The following RAPGEF4 variants were observed in gnomAD, a reference collection of about 807,000 sequenced individuals.
RAPGEF4 encodes Rap guanine nucleotide exchange factor 4, also known as RAP guanine-nucleotide-exchange factor (GEF) 4.
Under a neutral mutation model 147.9 loss-of-function variants are expected in RAPGEF4, and 66 were observed. The ratio of observed to expected loss-of-function variants is 0.45; its 90% CI spans 0.37 to 0.55. The LOEUF is 0.55. RAPGEF4 is among the 20% of genes least tolerant of loss of function. RAPGEF4 has a pLI of 0.00. For synonymous variants in RAPGEF4, 419 were observed against 442.7 expected, an observed-to-expected ratio of 0.95 and a Z score of 0.67; for missense variants, 1,071 against 1,257.3, an observed-to-expected ratio of 0.85 and a Z score of 2.24.
intron 15 of RAPGEF4, among the ~76,000 whole-genome samples, chr2:172,993,147 C>T (rs979936479): frequency 6.6e-6 from 1 of 152,076 alleles, no homozygotes; most frequent in African/African-American, 2.4e-5. Context: ...ACATTTTTAA[C>T]TTTCAAAACC....
At chr2:172,983,622 A>G in intron 11 of RAPGEF4, 42 bp downstream of exon 11, 1 of 1,608,012 alleles carries the variant, frequency 6.2e-7, no homozygotes, top group South Asian at 1.1e-5. Context: ...GCACTTTGCA[A>G]TAAATGCACT....
intron 4 of RAPGEF4, among the ~76,000 whole-genome samples, chr2:172,830,581 CG>C (rs1559064035): frequency 6.7e-6 from 1 of 150,248 alleles, no homozygotes; most frequent in Non-Finnish European, 1.5e-5. Context: ...CAACCCATCA[CG>C]CAAAACAAGA....
At chr2:172,977,290 T>C (rs537699523) in intron 10 of RAPGEF4, among the ~76,000 whole-genome samples, 9 of 152,214 alleles carry the variant, frequency 5.9e-5, no homozygotes, top group African/African-American at 1.2e-4. Flanking sequence ...CCATTTTTTT[T>C]CCCCTGTCAC....
intron 6 of RAPGEF4, among the ~76,000 whole-genome samples, chr2:172,957,924 C>T (rs578028967): frequency 3.9e-5 from 6 of 152,270 alleles, no homozygotes; most frequent in African/African-American, 1.2e-4. Flanking sequence ...TCCAAGGAAC[C>T]AGAAAGGGAG....
chr2:173,005,320 T>TGC (rs1694321670), intron 17 of RAPGEF4, among the ~76,000 whole-genome samples: 1 of 152,108 alleles, frequency 6.6e-6, no homozygotes, highest in African/African-American at 2.4e-5. Context: ...AACTCTGCCA[T>TGC]ATTCTTGTTT....
Position 172,985,506 on chromosome 2 carries a change from C to G in RAPGEF4, c.1150+13C>G. On this transcript the variant is annotated intron_variant, in intron 12 of 30. Coordinates refer to ENST00000397081, the MANE Select transcript of RAPGEF4 (RefSeq NM_007023.4). ...GGAGGGACTGTGTGTAAGTGAAAAGCTGTACTGGAACCTTGCGCCTGGCCA... is the reference window on the plus strand; with the variant it reads ...GGAGGGACTGTGTGTAAGTGAAAAGGTGTACTGGAACCTTGCGCCTGGCCA... 6.2e-7 allele frequency: 1 copy of G among 1,612,934 alleles called. No individual in the cohort carries two copies. Among genetic ancestry groups the G allele is most frequent in the African/African-American group, 1.3e-5 (1 of 74,942 alleles).
chr2:172,814,506 C>G (rs775532000), intron 4 of RAPGEF4, 81 bp downstream of exon 4: 15 of 1,497,092 alleles, frequency 1.0e-5, no homozygotes, highest in Middle Eastern at 3.4e-4. Flanking sequence ...GCATTACAGT[C>G]AAGCCTTAAT....
At chr2:172,949,464 G>A (rs1001335831) in intron 6 of RAPGEF4, among the ~76,000 whole-genome samples, 1 of 152,124 alleles carries the variant, frequency 6.6e-6, no homozygotes, top group African/African-American at 2.4e-5. Context: ...TCAAAATCAA[G>A]AAAATCAGGA....
chr2:173,049,355 G>A (rs1396986609), intron 30 of RAPGEF4, among the ~76,000 whole-genome samples: 1 of 152,192 alleles, frequency 6.6e-6, no homozygotes, highest in African/African-American at 2.4e-5. Flanking sequence ...CTTTGGTGGT[G>A]GGGGTGGAGC....
chr2:172,897,894 A>G (rs543325383), intron 4 of RAPGEF4, among the ~76,000 whole-genome samples: 129 of 107,656 alleles, frequency 1.2e-3, no homozygotes, highest in African/African-American at 4.3e-3. Flanking sequence ...TTTGTAAAGC[A>G]CTTTCGCACA....
In RAPGEF4 at chr2:172,790,120, A is replaced by AT. The variant is rs202013671; in HGVS notation, c.66-4894dup. Reference sequence around the variant, plus strand: ...CCAGTTTCCTCACATCCTCACCAACATTTTTTTTTTTATAATAGCCATCTT... The same window carrying AT: ...CCAGTTTCCTCACATCCTCACCAACATTTTTTTTTTTTATAATAGCCATCTT... On this transcript the variant is annotated intron_variant, in intron 1 of 30. Coordinates refer to ENST00000397081, the MANE Select transcript of RAPGEF4 (RefSeq NM_007023.4). 2.1e-3 allele frequency among the ~76,000 whole-genome samples: 310 copies of AT among 146,610 alleles called. 4 individuals carry two copies. The highest frequency in any genetic ancestry group is 0.016 in the East Asian group (81 of 5,054).
chr2:172,735,989 C>G lies in RAPGEF4; in HGVS notation c.6C>G (p.Val2=). Residue 2 remains valine, a synonymous_variant, in exon 1 of 31, where the codon GTC becomes GTG. Coordinates refer to ENST00000397081, the MANE Select transcript of RAPGEF4 (RefSeq NM_007023.4). ...ACCGCGCGCCGCCGCTCAACATGGT[C>G]GCTGCGCACGCTGCCCATTCTTCCT... M[V]AAHAAHSSSS... is the part of the protein sequence containing the mutation. 1 of 1,474,126 alleles carries G rather than the reference C, an allele frequency of 6.8e-7. No homozygotes were observed. The highest frequency in any genetic ancestry group is 9.0e-7 in the Non-Finnish European group (1 of 1,111,094). 91.3% of individuals were successfully genotyped at this position (1,474,126 alleles called of 1,614,324 possible).
intron 4 of RAPGEF4, among the ~76,000 whole-genome samples, chr2:172,822,612 G>A (rs112032058): frequency 1.3e-5 from 2 of 152,354 alleles, no homozygotes; most frequent in South Asian, 2.1e-4. Flanking sequence ...TGGGCCTGCC[G>A]GTAGGGTACT....
At chr2:172,883,202 CAG>C (rs1285415291) in intron 4 of RAPGEF4, among the ~76,000 whole-genome samples, 2 of 152,092 alleles carry the variant, frequency 1.3e-5, no homozygotes, top group African/African-American at 4.8e-5. Context: ...TTATAAAGAA[CAG>C]AGATTTCTCT....
At chr2:172,755,082 A>G (rs1695643509) in intron 1 of RAPGEF4, among the ~76,000 whole-genome samples, 1 of 152,060 alleles carries the variant, frequency 6.6e-6, no homozygotes, top group African/African-American at 2.4e-5. Flanking sequence ...CACCATAAAG[A>G]CAAAATGATA....
chr2:173,020,265 T>C (rs1294476238), intron 22 of RAPGEF4, among the ~76,000 whole-genome samples: 2 of 152,208 alleles, frequency 1.3e-5, no homozygotes, highest in Non-Finnish European at 2.9e-5. Context: ...AAGTGATCTT[T>C]CTATGTCCAA....
chr2:172,967,137 G>T (rs1381637916), intron 9 of RAPGEF4, 124 bp from the exon 10 acceptor site: 8 of 922,400 alleles, frequency 8.7e-6, no homozygotes, highest in Non-Finnish European at 1.3e-5. Flanking sequence ...AGTGAGAAGG[G>T]CGAGGAGGCT....
chr2:172,849,606 T>C (rs1485733339), intron 4 of RAPGEF4, among the ~76,000 whole-genome samples: 2 of 152,236 alleles, frequency 1.3e-5, no homozygotes, highest in Non-Finnish European at 2.9e-5. Context: ...TAATTTACTA[T>C]CTTTGTACAC....
intron 4 of RAPGEF4, among the ~76,000 whole-genome samples, chr2:172,845,754 C>T (rs527574044): frequency 4.6e-5 from 7 of 152,298 alleles, no homozygotes; most frequent in African/African-American, 7.2e-5. Context: ...TAAGTTCATT[C>T]GCAATGTGGT....
Sources: gnomAD v4.1 joint callset for allele counts (sites outside exome capture counted in the v4.1 genomes callset) on GRCh38, gnomAD v4.1.1 for gene constraint, MANE v1.5 for transcripts, NCBI Gene and HGNC (gene_info 2026-07-23, HGNC 2026-07-21) for gene names.